RBPJ: variants seen among roughly 807,000 people sequenced by gnomAD.
The protein encoded by RBPJ is recombining binding protein suppressor of hairless.
In RBPJ, 9 loss-of-function variants were observed where a neutral mutation model predicts 67.8. The ratio of observed to expected loss-of-function variants is 0.13; its 90% CI spans 0.08 to 0.23. The LOEUF (loss-of-function observed/expected upper bound fraction) is 0.23, where lower values mean the gene tolerates loss of function less well. RBPJ is among the 10% of genes least tolerant of loss of function. The pLI is 1.00. For synonymous variants in RBPJ, 198 were observed against 203.3 expected (o/e 0.97, Z 0.22); for missense variants, 305 against 595.6 (o/e 0.51, Z 5.08).
intron 1 of RBPJ, among the ~76,000 whole-genome samples, chr4:26,299,289 T>C (rs1455731468): frequency 6.6e-6 from 1 of 152,250 alleles, no homozygotes; most frequent in Non-Finnish European, 1.5e-5. Context: ...TAAATCTGTT[T>C]AGAAGAACAC....
At chr4:26,399,387 T>C (rs1430520561) in intron 2 of RBPJ, among the ~76,000 whole-genome samples, 1 of 152,236 alleles carries the variant, frequency 6.6e-6, no homozygotes, top group Non-Finnish European at 1.5e-5. Flanking sequence ...GACCAGGTTC[T>C]TCCCTTTTTT....
rs117447007 is a variant in RBPJ, at chr4:26,292,777, G to A, written c.-166-69669G>A. On this transcript the variant is annotated intron_variant, in intron 1 of 4. Transcript: ENST00000512351. ...TATGTATTAAAAAACTGTGGTGTGT[G>A]TGTATGTGTGAGGTATATACATATA... 9.6e-4 allele frequency among the ~76,000 whole-genome samples: 145 copies of A among 150,274 alleles called. 15 individuals are homozygous for A. The East Asian group carries it at 0.023, about 24-fold the overall frequency.
chr4:26,136,441 T>C, the RBPJ span, among the ~76,000 whole-genome samples: 1 of 152,142 alleles, frequency 6.6e-6, no homozygotes, highest in Non-Finnish European at 1.5e-5. Context: ...TCTCCTGCCA[T>C]GGCGTGGAAA....
At chr4:26,388,595 T>TACAC (rs200399357) in intron 2 of RBPJ, among the ~76,000 whole-genome samples, 1 of 119,496 alleles carries the variant, frequency 8.4e-6, no homozygotes, top group Non-Finnish European at 2.0e-5. Flanking sequence ...CATAGAAGAT[T>TACAC]ACACACACAC....
intron 1 of RBPJ, among the ~76,000 whole-genome samples, chr4:26,254,736 G>A (rs1419551563): frequency 6.9e-6 from 1 of 145,930 alleles, no homozygotes; most frequent in Admixed American, 6.7e-5. Flanking sequence ...GGAGTGCAGT[G>A]GTGCAATCTC....
At chr4:26,295,521 A>G (rs146595082) in intron 1 of RBPJ, among the ~76,000 whole-genome samples, 1 of 152,272 alleles carries the variant, frequency 6.6e-6, no homozygotes, top group East Asian at 1.9e-4. Flanking sequence ...GTGTAGGATC[A>G]AAACCCTGAT....
intron 1 of RBPJ, among the ~76,000 whole-genome samples, chr4:26,173,371 A>G (rs928816728): frequency 1.3e-5 from 2 of 152,114 alleles, no homozygotes; most frequent in African/African-American, 2.4e-5. Flanking sequence ...CCTGACCTCA[A>G]GTGATCTGCC....
chr4:26,215,402 G>GAAGGAAGGAAGGGAGGGA (rs779927576), intron 1 of RBPJ, among the ~76,000 whole-genome samples: 8 of 108,558 alleles, frequency 7.4e-5, no homozygotes, highest in Non-Finnish European at 1.3e-4. Context: ...AGGAAGGAAG[G>GAAGGAAGGAAGGGAGGGA]GGGGGGAAGG....
intron 1 of RBPJ, among the ~76,000 whole-genome samples, chr4:26,277,232 AC>A (rs1395921215): frequency 1.3e-5 from 2 of 149,348 alleles, no homozygotes; most frequent in African/African-American, 5.1e-5. Context: ...TGATCACACC[AC>A]TGCATTTCAG....
intron 8 of RBPJ, 57 bp downstream of exon 8, chr4:26,428,917 T>C (rs753672763): frequency 8.7e-6 from 12 of 1,386,890 alleles, no homozygotes; most frequent in Non-Finnish European, 1.2e-5. Flanking sequence ...GGTTAGCAGC[T>C]TGCAAAAATA....
chr4:26,322,625 C>G (rs1045524246), intron 1 of RBPJ, among the ~76,000 whole-genome samples: 1 of 151,346 alleles, frequency 6.6e-6, no homozygotes, highest in East Asian at 1.9e-4. Context: ...AGATATTAAT[C>G]AAATGCAGTT....
chr4:26,155,538 G>A, the RBPJ span, among the ~76,000 whole-genome samples: 8 of 150,790 alleles, frequency 5.3e-5, no homozygotes, highest in East Asian at 1.9e-4. Context: ...GGGTTCAAGC[G>A]ATTCTCCTGC....
chr4:26,323,221 CCTTA>C (rs1723272687), intron 1 of RBPJ, among the ~76,000 whole-genome samples: 2 of 151,936 alleles, frequency 1.3e-5, no homozygotes, highest in South Asian at 2.1e-4. Context: ...CTTATGTCTC[CCTTA>C]CTTGTTCTTG....
the RBPJ span, among the ~76,000 whole-genome samples, chr4:26,156,583 C>A: frequency 6.7e-6 from 1 of 148,926 alleles, no homozygotes; most frequent in Non-Finnish European, 1.5e-5. Flanking sequence ...TCATGTCCAG[C>A]TAATTTTTGT....
At chr4:26,184,863 C>T (rs1717172614) in intron 1 of RBPJ, among the ~76,000 whole-genome samples, 1 of 152,046 alleles carries the variant, frequency 6.6e-6, no homozygotes, top group African/African-American at 2.4e-5. Flanking sequence ...TATGTTGGGC[C>T]GGGTGCGGTG....
chr4:26,255,727 G>T (rs1276440172), intron 1 of RBPJ, among the ~76,000 whole-genome samples: 4 of 150,028 alleles, frequency 2.7e-5, no homozygotes, highest in Non-Finnish European at 5.9e-5. Context: ...GCGTGAACCC[G>T]GGAGGCAGAG....
chr4:26,323,541 G>A (rs932644703), intron 1 of RBPJ, among the ~76,000 whole-genome samples: 13 of 152,148 alleles, frequency 8.5e-5, no homozygotes, highest in African/African-American at 1.9e-4. Context: ...AACTGTTAAA[G>A]CTTTAAATTT....
intron 1 of RBPJ, among the ~76,000 whole-genome samples, chr4:26,215,228 A>AGGGGG (rs1271792041): frequency 7.0e-5 from 1 of 14,192 alleles, no homozygotes; most frequent in Non-Finnish European, 1.2e-4. Flanking sequence ...AAAAGAGAGA[A>AGGGGG]AAGAGAGAAA....
intron 1 of RBPJ, among the ~76,000 whole-genome samples, chr4:26,336,724 A>G (rs1724873730): frequency 6.6e-6 from 1 of 152,098 alleles, no homozygotes; most frequent in Admixed American, 6.6e-5. Flanking sequence ...ATTAAAGGAT[A>G]TGGGTAGGTT....
Sources: gnomAD v4.1 joint callset for allele counts (sites outside exome capture counted in the v4.1 genomes callset) on GRCh38, gnomAD v4.1.1 for gene constraint, MANE v1.5 for transcripts, NCBI Gene and HGNC (gene_info 2026-07-23, HGNC 2026-07-21) for gene names.